Variants in SLC44A5 observed in about 807,000 individuals in gnomAD.
The protein encoded by SLC44A5 is solute carrier family 44 member 5, also known as choline transporter-like protein 5.
A neutral mutation model predicts 101.8 loss-of-function variants in SLC44A5; 57 were observed. The observed-to-expected ratio is 0.56, with a 90% CI of 0.45 to 0.70. The LOEUF (loss-of-function observed/expected upper bound fraction) is 0.70. Among genes scored for constraint, SLC44A5 ranks in the 30% least tolerant of loss-of-function variants. The pLI is 0.00. For missense variants in SLC44A5, 737 were observed against 853.1 expected, an observed-to-expected ratio of 0.86 and a Z score of 1.70; for synonymous variants, 281 against 290.9, an observed-to-expected ratio of 0.97 and a Z score of 0.35.
chr1:75,260,980 A>G (rs1354019778), intron 6 of SLC44A5, among the ~76,000 whole-genome samples: 3 of 152,150 alleles, frequency 2.0e-5, no homozygotes, highest in Non-Finnish European at 4.4e-5. Context: ...AACCAATGAG[A>G]ACAAAGACAC....
chr1:75,630,629 TCTGA>T, the SLC44A5 span, among the ~76,000 whole-genome samples: 3 of 152,104 alleles, frequency 2.0e-5, no homozygotes, highest in Non-Finnish European at 4.4e-5. Flanking sequence ...TACTGGGCTA[TCTGA>T]CTGGTCCAAA....
At chr1:75,694,353 C>A in the SLC44A5 span, among the ~76,000 whole-genome samples, 1 of 151,750 alleles carries the variant, frequency 6.6e-6, no homozygotes, top group Non-Finnish European at 1.5e-5. Context: ...TTCAATTTTT[C>A]TTTTCTTTAG....
intron 1 of SLC44A5, among the ~76,000 whole-genome samples, chr1:75,590,708 G>A (rs995968735): frequency 1.3e-5 from 2 of 152,152 alleles, no homozygotes; most frequent in South Asian, 4.1e-4. Context: ...ATGGGGTGAG[G>A]TTCCTCTGCC....
chr1:75,652,728 A>G, the SLC44A5 span, among the ~76,000 whole-genome samples: 1 of 152,178 alleles, frequency 6.6e-6, no homozygotes. Flanking sequence ...CAGGAGTATG[A>G]GGTTGCAGTG....
At chr1:75,479,244 T>A (rs1201914004) in intron 2 of SLC44A5, among the ~76,000 whole-genome samples, 1 of 152,224 alleles carries the variant, frequency 6.6e-6, no homozygotes, top group Non-Finnish European at 1.5e-5. Context: ...TGGGACATAT[T>A]CAAAGCAGTG....
At chr1:75,523,915 C>T (rs1670280006) in intron 2 of SLC44A5, among the ~76,000 whole-genome samples, 1 of 152,176 alleles carries the variant, frequency 6.6e-6, no homozygotes, top group South Asian at 2.1e-4. Flanking sequence ...TTAATAGTGG[C>T]AATGTTGAGA....
chr1:75,303,312 T>C (rs893100563), intron 4 of SLC44A5, among the ~76,000 whole-genome samples: 4 of 152,182 alleles, frequency 2.6e-5, no homozygotes, highest in Non-Finnish European at 5.9e-5. Context: ...CTCAGCTCAC[T>C]GCAACCTCCG....
rs552613827 is a variant in SLC44A5 at position 75,326,849 on chromosome 1, T to C, written c.101+12733A>G. The stretch of plus-strand genomic sequence containing the variant: ...CTCCAAAATCTTAAAAAACAAGTGA[T>C]ATCAAATGCAAAACTGTAGAAGAAC... On this transcript the variant is annotated intron_variant, in intron 4 of 23. Coordinates refer to ENST00000370859, the MANE Select transcript of SLC44A5 (RefSeq NM_001130058.2). 6.6e-5 allele frequency among the ~76,000 whole-genome samples: 10 copies of C among 152,214 alleles called. No individual in the cohort carries two copies. The South Asian group carries it at 2.1e-3, about 32-fold the overall frequency.
chr1:75,229,979 A>G (rs1011527917), intron 12 of SLC44A5, among the ~76,000 whole-genome samples: 1 of 152,076 alleles, frequency 6.6e-6, no homozygotes, highest in African/African-American at 2.4e-5. Flanking sequence ...GCCTTTCTCA[A>G]CCTATTTTCT....
intron 5 of SLC44A5, among the ~76,000 whole-genome samples, chr1:75,289,455 A>G (rs115453510): frequency 3.3e-5 from 5 of 152,328 alleles, no homozygotes; most frequent in African/African-American, 1.2e-4. Context: ...TTTAAAGGGT[A>G]CTATTTGGTC....
chr1:75,540,416 G>A (rs1671297485), intron 2 of SLC44A5, among the ~76,000 whole-genome samples: 2 of 152,268 alleles, frequency 1.3e-5, no homozygotes, highest in South Asian at 4.1e-4. Flanking sequence ...ACAGTCAAAG[G>A]GCAGAGGCTC....
At chr1:75,579,825 C>T (rs199555692) in intron 1 of SLC44A5, among the ~76,000 whole-genome samples, 1 of 52,756 alleles carries the variant, frequency 1.9e-5, no homozygotes, top group African/African-American at 5.7e-5. Flanking sequence ...ATTCAACTAT[C>T]TACACACACA....
At chr1:75,229,741 G>A (rs796417245) in intron 12 of SLC44A5, among the ~76,000 whole-genome samples, 4 of 152,276 alleles carry the variant, frequency 2.6e-5, no homozygotes, top group African/African-American at 9.6e-5. Context: ...AAGAACCTTA[G>A]TCTGTTCCTT....
chr1:75,248,788 G>T (rs1217582345), intron 7 of SLC44A5, among the ~76,000 whole-genome samples: 1 of 152,106 alleles, frequency 6.6e-6, no homozygotes, highest in African/African-American at 2.4e-5. Context: ...ATTCAGGCAT[G>T]GAGTAGGCTG....
chr1:75,559,307 A>C (rs1421735000), intron 1 of SLC44A5, among the ~76,000 whole-genome samples: 4 of 152,040 alleles, frequency 2.6e-5, no homozygotes, highest in Non-Finnish European at 4.4e-5. Flanking sequence ...TGATTTACAG[A>C]ATACAAACAA....
rs954279501 is a variant in SLC44A5, at chr1:75,541,358, T to C, written c.13+77A>G. 30 of 1,101,240 alleles carry C rather than the reference T, an allele frequency of 2.7e-5. No homozygotes were observed. In the Admixed American group the frequency reaches 3.1e-4, roughly 11 times the overall value. The allele number at this position is 1,101,240 out of a possible 1,614,324, so 68.2% of individuals were successfully genotyped here. A position where few individuals can be genotyped will look rare whatever the true frequency, so the allele number is the denominator to read the frequency against. Reference sequence around the variant, plus strand: ...ATATACTCATTTTTCTATTTGTCCTTATTTAATATTAAATAAAAAAGAATA... The same window carrying C: ...ATATACTCATTTTTCTATTTGTCCTCATTTAATATTAAATAAAAAAGAATA... On this transcript the variant is annotated intron_variant, in intron 2 of 23. Transcript: ENST00000370859.
At chr1:75,528,478 C>G (rs1670545315) in intron 2 of SLC44A5, among the ~76,000 whole-genome samples, 1 of 152,138 alleles carries the variant, frequency 6.6e-6, no homozygotes, top group African/African-American at 2.4e-5. Context: ...ACGTCTAGTG[C>G]ACCAAACACA....
At chr1:75,665,504 G>C in the SLC44A5 span, among the ~76,000 whole-genome samples, 1 of 152,082 alleles carries the variant, frequency 6.6e-6, no homozygotes, top group East Asian at 1.9e-4. Context: ...AAAAATCCTA[G>C]AAGAAAACTT....
intron 2 of SLC44A5, among the ~76,000 whole-genome samples, chr1:75,534,243 A>C (rs747044763): frequency 6.6e-6 from 1 of 152,200 alleles, no homozygotes; most frequent in Non-Finnish European, 1.5e-5. Flanking sequence ...CACCTGTTAA[A>C]GTCGTCGGAA....
Sources: gnomAD v4.1 joint callset for allele counts (sites outside exome capture counted in the v4.1 genomes callset) on GRCh38, gnomAD v4.1.1 for gene constraint, MANE v1.5 for transcripts, NCBI Gene and HGNC (gene_info 2026-07-23, HGNC 2026-07-21) for gene names.